Variants in NALF1 observed in about 807,000 individuals in gnomAD.
The protein encoded by NALF1 is family with sequence similarity 155 member A.
NALF1 carries 3 observed loss-of-function variants against 48.4 expected under a neutral mutation model. The observed-to-expected ratio is 0.06, with a 90% CI of 0.03 to 0.16. NALF1 has a LOEUF of 0.16. Ranked by LOEUF, NALF1 falls within the 10% of genes least tolerant of loss-of-function variation. NALF1 has a pLI of 1.00. For synonymous variants in NALF1, 262 were observed against 245.7 expected (o/e 1.07, Z -0.62); for missense variants, 526 against 571.5 (o/e 0.92, Z 0.81).
At chr13:107,821,455 C>G (rs953315759) in intron 1 of NALF1, among the ~76,000 whole-genome samples, 1 of 152,158 alleles carries the variant, frequency 6.6e-6, no homozygotes, top group African/African-American at 2.4e-5. Flanking sequence ...ATTACGCGCC[C>G]TTTGAGATGA....
intron 1 of NALF1, chr13:107,788,241 GT>G (rs1878130250): frequency 6.6e-6 from 1 of 152,002 alleles, no homozygotes; most frequent in African/African-American, 2.4e-5. Context: ...CAGCCTCCCA[GT>G]TATTATCTGC....
intron 1 of NALF1, among the ~76,000 whole-genome samples, chr13:107,700,222 T>C (rs1402484995): frequency 1.3e-5 from 2 of 151,502 alleles, no homozygotes; most frequent in Non-Finnish European, 2.9e-5. Context: ...AGAAACAAAG[T>C]TGGAGGCATC....
At chr13:107,300,432 TCA>T (rs1881815357) in intron 1 of NALF1, among the ~76,000 whole-genome samples, 2 of 152,168 alleles carry the variant, frequency 1.3e-5, no homozygotes, top group African/African-American at 4.8e-5. Context: ...GAGTTATCAT[TCA>T]CAGTGTTGCT....
At chr13:107,184,786 CCT>C (rs1321049639) in intron 2 of NALF1, among the ~76,000 whole-genome samples, 1 of 152,008 alleles carries the variant, frequency 6.6e-6, no homozygotes, top group Admixed American at 6.6e-5. Flanking sequence ...TTCCTGTTTT[CCT>C]TTTTTATGTC....
chr13:107,384,476 G>C (rs1286836037), intron 1 of NALF1, among the ~76,000 whole-genome samples: 1 of 152,118 alleles, frequency 6.6e-6, no homozygotes, highest in Non-Finnish European at 1.5e-5. Flanking sequence ...TTTATCTGGA[G>C]TGTGAAAATC....
At chr13:107,729,337 T>A (rs528154638) in intron 1 of NALF1, among the ~76,000 whole-genome samples, 1 of 152,086 alleles carries the variant, frequency 6.6e-6, no homozygotes, top group Non-Finnish European at 1.5e-5. Context: ...CTATTAAAAG[T>A]CTCCTTTTCT....
chr13:107,434,740 A>G (rs1884437074), intron 1 of NALF1, among the ~76,000 whole-genome samples: 1 of 152,346 alleles, frequency 6.6e-6, no homozygotes, highest in South Asian at 2.1e-4. Flanking sequence ...TATCCTCTCA[A>G]TAATACATTT....
chr13:107,783,177 T>A (rs1594263628), intron 1 of NALF1, among the ~76,000 whole-genome samples: 1 of 99,890 alleles, frequency 1.0e-5, no homozygotes, highest in Non-Finnish European at 2.0e-5. Context: ...AGCCGCCCCG[T>A]CCGGGAGGGA....
chr13:107,642,461 T>C (rs1268738843), intron 1 of NALF1, among the ~76,000 whole-genome samples: 2 of 152,218 alleles, frequency 1.3e-5, no homozygotes, highest in Non-Finnish European at 2.9e-5. Flanking sequence ...ATGCCCAGCA[T>C]ATAAGATGTT....
At chr13:107,652,297 A>G (rs1340072877) in intron 1 of NALF1, among the ~76,000 whole-genome samples, 2 of 152,142 alleles carry the variant, frequency 1.3e-5, no homozygotes, top group African/African-American at 2.4e-5. Context: ...GGCCTTTGTT[A>G]TTAAGATTGT....
At chr13:107,594,864 A>G (rs1009877214) in intron 1 of NALF1, among the ~76,000 whole-genome samples, 5 of 152,096 alleles carry the variant, frequency 3.3e-5, no homozygotes, top group African/African-American at 1.2e-4. Context: ...TAACAAATCT[A>G]TACACGTATA....
intron 2 of NALF1, among the ~76,000 whole-genome samples, chr13:107,193,998 CCTATCTATCTTATCTAT>C (rs1246138123): frequency 6.7e-6 from 1 of 149,710 alleles, no homozygotes; most frequent in Non-Finnish European, 1.5e-5. Context: ...AACTTATATA[CCTATCTATCTTATCTAT>C]CTATCTATCT....
intron 1 of NALF1, among the ~76,000 whole-genome samples, chr13:107,471,986 T>A (rs1191372230): frequency 6.6e-6 from 1 of 152,210 alleles, no homozygotes; most frequent in African/African-American, 2.4e-5. Flanking sequence ...CCAACAGTAC[T>A]TTTTCTGTGA....
chr13:107,516,691 G>C (rs1876063142), intron 1 of NALF1, among the ~76,000 whole-genome samples: 1 of 152,014 alleles, frequency 6.6e-6, no homozygotes, highest in African/African-American at 2.4e-5. Context: ...CAGCATGCAG[G>C]GACTCTGAGT....
chr13:107,832,207 A>G (rs1423782314), intron 1 of NALF1, among the ~76,000 whole-genome samples: 2 of 151,922 alleles, frequency 1.3e-5, no homozygotes, highest in African/African-American at 2.4e-5. Context: ...CTATTATTCT[A>G]CCTTCAAGCT....
At position 107,402,677 on chromosome 13, in the gene NALF1, A is replaced by G. The variant is rs140452219; in HGVS notation, c.916-191922T>C. 2.8e-3 allele frequency among the ~76,000 whole-genome samples: 433 copies of G among 152,246 alleles called. 2 individuals carry two copies. Among genetic ancestry groups the G allele is most frequent in the African/African-American group, 9.6e-3 (400 of 41,552 alleles). ...TTTCATTGAGAGATGCCACTGAAAAATACAGGCTTTGGAGTCAGAGAAGAA... is the reference window on the plus strand; with the variant it reads ...TTTCATTGAGAGATGCCACTGAAAAGTACAGGCTTTGGAGTCAGAGAAGAA... On this transcript the variant is annotated intron_variant, in intron 1 of 2. Transcript: ENST00000375915.
chr13:107,437,190 C>T (rs1884476242), intron 1 of NALF1, among the ~76,000 whole-genome samples: 1 of 151,994 alleles, frequency 6.6e-6, no homozygotes, highest in African/African-American at 2.4e-5. Context: ...AATGAAACAC[C>T]ATCACATACT....
chr13:107,508,922 T>C (rs1875790441), intron 1 of NALF1, among the ~76,000 whole-genome samples: 1 of 152,150 alleles, frequency 6.6e-6, no homozygotes, highest in Non-Finnish European at 1.5e-5. Flanking sequence ...AGGAAGCTCA[T>C]TTGCCTTTTG....
At chr13:107,235,226 T>C (rs10220225) in intron 1 of NALF1, among the ~76,000 whole-genome samples, 3,361 of 152,324 alleles carry the variant, frequency 0.022, 143 homozygotes, top group African/African-American at 0.077. Context: ...CTTCCTATTA[T>C]TCAAGTTATC....
Sources: allele counts gnomAD v4.1 joint callset (sites outside exome capture counted in the v4.1 genomes callset), GRCh38; gene constraint gnomAD v4.1.1; transcripts MANE v1.5; gene names NCBI Gene and HGNC (gene_info 2026-07-23, HGNC 2026-07-21).